CEP170: variants seen among roughly 807,000 people sequenced by gnomAD.
CEP170 encodes the protein centrosomal protein 170, also known as centrosomal protein of 170 kDa.
CEP170 carries 21 observed loss-of-function variants against 151.9 expected under a neutral mutation model. That is an observed-to-expected ratio of 0.14 (90% CI 0.10 to 0.20). The LOEUF is 0.20. Among genes scored for constraint, CEP170 ranks in the 10% least tolerant of loss-of-function variants. The pLI is 1.00. For synonymous variants in CEP170, 356 were observed against 648.8 expected (o/e 0.55, Z 6.86); for missense variants, 964 against 1,892.9 (o/e 0.51, Z 9.11).
chr1:243,130,356 A>G (rs2054257044), intron 17 of CEP170, among the ~76,000 whole-genome samples: 2 of 152,194 alleles, frequency 1.3e-5, no homozygotes, highest in South Asian at 4.1e-4. Flanking sequence ...GTATACTTGC[A>G]CATAATAACC....
At chr1:243,215,715 C>T (rs1177808632) in intron 3 of CEP170, among the ~76,000 whole-genome samples, 1 of 152,146 alleles carries the variant, frequency 6.6e-6, no homozygotes, top group South Asian at 2.1e-4. Context: ...TCTCGCCCTG[C>T]CTCCATTTGC....
intron 13 of CEP170, among the ~76,000 whole-genome samples, chr1:243,157,944 A>G (rs1434512363): frequency 2.0e-5 from 3 of 152,248 alleles, no homozygotes; most frequent in Non-Finnish European, 2.9e-5. Context: ...GGCTCTCTGT[A>G]AAAGTGTATG....
intron 14 of CEP170, among the ~76,000 whole-genome samples, chr1:243,154,307 T>G (rs1365470260): frequency 6.6e-6 from 1 of 152,286 alleles, no homozygotes; most frequent in Non-Finnish European, 1.5e-5. Context: ...CAGGAGTCTT[T>G]TAGGTGACAG....
intron 4 of CEP170, among the ~76,000 whole-genome samples, chr1:243,207,322 GA>G (rs2061490360): frequency 6.6e-6 from 1 of 151,804 alleles, no homozygotes; most frequent in African/African-American, 2.4e-5. Flanking sequence ...GATAGAGGGG[GA>G]TAATTCATCA....
intron 1 of CEP170, among the ~76,000 whole-genome samples, chr1:243,241,755 A>C (rs2064859381): frequency 6.6e-6 from 1 of 151,156 alleles, no homozygotes; most frequent in African/African-American, 2.4e-5. Context: ...TCACCACTGC[A>C]CTCCAGCCTG....
chr1:243,138,775 T>A (rs2055442061), intron 16 of CEP170, among the ~76,000 whole-genome samples: 1 of 152,136 alleles, frequency 6.6e-6, no homozygotes, highest in Non-Finnish European at 1.5e-5. Flanking sequence ...ACAATGTTAC[T>A]ATAAATGTAA....
At chr1:243,240,182 T>G (rs1352517110) in intron 1 of CEP170, among the ~76,000 whole-genome samples, 1 of 152,088 alleles carries the variant, frequency 6.6e-6, no homozygotes, top group Non-Finnish European at 1.5e-5. Flanking sequence ...TGGTGGCACA[T>G]GCCTGTAATC....
intron 3 of CEP170, among the ~76,000 whole-genome samples, chr1:243,218,029 T>G (rs2062460535): frequency 6.6e-6 from 1 of 152,228 alleles, no homozygotes; most frequent in Admixed American, 6.5e-5. Context: ...CCTATTTAAT[T>G]TACATACAAC....
chr1:243,243,092 G>C (rs557431986), intron 1 of CEP170, among the ~76,000 whole-genome samples: 7 of 152,200 alleles, frequency 4.6e-5, no homozygotes, highest in Non-Finnish European at 5.9e-5. Context: ...AAGGCTAGGC[G>C]TGGTGGCTCA....
intron 3 of CEP170, among the ~76,000 whole-genome samples, chr1:243,217,722 A>G (rs1032926897): frequency 2.0e-5 from 3 of 152,230 alleles, no homozygotes; most frequent in Admixed American, 1.3e-4. Context: ...TCATTTAACT[A>G]GATCAAATTT....
intron 10 of CEP170, among the ~76,000 whole-genome samples, chr1:243,184,343 T>C (rs564715833): frequency 6.6e-6 from 1 of 151,972 alleles, no homozygotes; most frequent in Non-Finnish European, 1.5e-5. Flanking sequence ...TGTTCTTAAA[T>C]TGCACTCTCT....
chr1:243,130,437 C>G (rs1484891874), intron 17 of CEP170, among the ~76,000 whole-genome samples: 1 of 152,196 alleles, frequency 6.6e-6, no homozygotes, highest in Admixed American at 6.5e-5. Flanking sequence ...TATCATTACC[C>G]TAACATCAAA....
At chr1:243,236,833 T>A (rs897346307) in intron 1 of CEP170, among the ~76,000 whole-genome samples, 1 of 152,208 alleles carries the variant, frequency 6.6e-6, no homozygotes, top group Non-Finnish European at 1.5e-5. Context: ...TCTGTTACGA[T>A]CCTGAAAGTC....
chr1:243,230,393 T>A (rs762741139), intron 1 of CEP170, among the ~76,000 whole-genome samples: 1 of 152,044 alleles, frequency 6.6e-6, no homozygotes, highest in African/African-American at 2.4e-5. Context: ...CAAAAAAGAT[T>A]TGACAGAAAC....
rs2053726157 is a variant in CEP170 at position 243,126,619 on chromosome 1, T to C, written c.4585A>G (p.Ser1529Gly). Residue 1529 changes from serine (S) to glycine (G), a missense_variant, in exon 20 of 20, where the codon AGC becomes GGC. Physicochemically the swap from Ser to Gly is moderately conservative, Grantham distance 56 (BLOSUM62 0). Transcript: ENST00000366542. ...CCAAGTGTTGGTGTCTGACCCGGGC[T>C]GTGGTGGTTATTCACAGGGCTGGAC... ...QKSSPVNNHH[S>G]PGQTPTLGQP... is the part of the protein sequence containing the mutation. 6 of 1,571,386 alleles carry C rather than the reference T, an allele frequency of 3.8e-6. No individual in the cohort carries two copies. The highest frequency in any genetic ancestry group is 5.2e-6 in the Non-Finnish European group (6 of 1,157,150).
At chr1:243,178,237 G>C (rs970440021) in intron 10 of CEP170, among the ~76,000 whole-genome samples, 2 of 138,592 alleles carry the variant, frequency 1.4e-5, no homozygotes, top group Middle Eastern at 4.1e-3. Flanking sequence ...GCTGAGACAG[G>C]AGAATCGCAT....
Position 243,254,829 on chromosome 1 carries a change from C to G in CEP170, c.-42+211G>C, listed in dbSNP as rs927803132. Among the ~76,000 whole-genome samples the G allele has an allele frequency of 1.8e-4, 27 of 151,762 alleles. 1 individual carries two copies. The highest frequency in any genetic ancestry group is 1.3e-3 in the Admixed American group (20 of 15,266). Reference sequence around the variant, plus strand: ...GGATGGGAAGGGTGGTCCCGTCAAGCCCCGGGTCCCAGGCGGGCAGAGGGT... The same window carrying G: ...GGATGGGAAGGGTGGTCCCGTCAAGGCCCGGGTCCCAGGCGGGCAGAGGGT... On this transcript the variant is annotated intron_variant, in intron 1 of 19. Coordinates refer to ENST00000366542, the MANE Select transcript of CEP170 (RefSeq NM_014812.3).
intron 10 of CEP170, among the ~76,000 whole-genome samples, chr1:243,173,312 G>A (rs1010202357): frequency 2.2e-4 from 34 of 151,320 alleles, no homozygotes; most frequent in African/African-American, 7.0e-4. Context: ...TGCCCGCCTC[G>A]GCCTCCCAAA....
intron 1 of CEP170, chr1:243,253,365 G>A (rs2066122083): frequency 6.6e-6 from 1 of 152,210 alleles, no homozygotes; most frequent in Admixed American, 6.5e-5. Flanking sequence ...GGGCTAGGGG[G>A]ACACAGGAAA....
Sources: allele counts gnomAD v4.1 joint callset (sites outside exome capture counted in the v4.1 genomes callset), GRCh38; gene constraint gnomAD v4.1.1; transcripts MANE v1.5; gene names NCBI Gene and HGNC (gene_info 2026-07-23, HGNC 2026-07-21).